BROX: variants seen among roughly 807,000 people sequenced by gnomAD.
The protein encoded by BROX is BRO1 domain-containing protein BROX.
A neutral mutation model predicts 61.0 loss-of-function variants in BROX; 53 were observed. That is an observed-to-expected ratio of 0.87 (90% CI 0.70 to 1.09). The LOEUF is 1.09. BROX is among the 50% of genes least tolerant of loss of function. The pLI is 0.00. For missense variants in BROX, 489 were observed against 472.0 expected, an observed-to-expected ratio of 1.04 and a Z score of -0.33; for synonymous variants, 152 against 160.2, an observed-to-expected ratio of 0.95 and a Z score of 0.38.
At position 222,722,476 on chromosome 1, in the gene BROX, G is replaced by A. The variant is rs1319642618; in HGVS notation, c.363G>A (p.Trp121Ter). Residue 121 changes from tryptophan (W) to a stop codon, truncating the protein, a stop_gained, in exon 5 of 13, where the codon TGG becomes TGA. Transcript: ENST00000340934. LOFTEE classifies it high-confidence loss of function. Reference protein sequence around the residue: ...LISMGFNVALWYTKYASRLAG... With the variant: ...LISMGFNVAL ...CCATGGGATTTAATGTAGCTTTATG[G>A]TATACCAAATATGCTTCAAGACTGG... 3 of 1,613,480 alleles carry A rather than the reference G, an allele frequency of 1.9e-6. No homozygotes were observed. Among genetic ancestry groups the A allele is most frequent in the Admixed American group, 3.3e-5 (2 of 60,008 alleles).
At chr1:222,713,458 C>T in intron 1 of BROX, 1 of 983,696 alleles carries the variant, frequency 1.0e-6, no homozygotes, top group African/African-American at 1.7e-5. Flanking sequence ...GGTGGGGGTC[C>T]CTTGTTAGGA....
At chr1:222,731,540 C>G in intron 12 of BROX, 24 bp downstream of exon 12, 2 of 1,563,804 alleles carry the variant, frequency 1.3e-6, no homozygotes, top group Non-Finnish European at 1.7e-6. Flanking sequence ...TTTTTTTTTC[C>G]CTCTCATTCA....
intron 9 of BROX, among the ~76,000 whole-genome samples, chr1:222,729,334 A>G (rs1657762739): frequency 6.6e-6 from 1 of 152,192 alleles, no homozygotes; most frequent in African/African-American, 2.4e-5. Flanking sequence ...CCTTCTTCCT[A>G]TGCATTAGCA....
chr1:222,731,446 C>T lies in BROX; in HGVS notation c.1079C>T (p.Pro360Leu). ...GAGCCTATACCTTTCGAATTTCCTC[C>T]TACAAGTGTTCAGTGGACACCAGAA... Reference protein sequence around the residue: ...LVEPIPFEFPPTSVQWTPETL... With the variant: ...LVEPIPFEFPLTSVQWTPETL... The change falls in exon 12 of 13, where the codon CCT (proline) becomes CTT (leucine). Residue 360 changes from proline (P) to leucine (L), a missense_variant. Pro to Leu is a moderately conservative substitution (Grantham distance 98, BLOSUM62 -3). Coordinates refer to ENST00000340934, the MANE Select transcript of BROX (RefSeq NM_144695.4). The T allele has an allele frequency of 2.5e-6, 4 of 1,604,498 alleles. No homozygotes were observed. The highest frequency in any genetic ancestry group is 3.4e-6 in the Non-Finnish European group (4 of 1,177,520).
rs1657788129 is a variant in BROX, at chr1:222,729,657, A to G, written c.794A>G (p.Asp265Gly). ...CYHGETLLASDKCGEAIRSLQ... is the reference protein window; with the variant it reads ...CYHGETLLASGKCGEAIRSLQ... ...CATGGTGAGACTTTATTGGCTAGTG[A>G]TAAATGCGGTGAAGCAATCAGGTCT... Residue 265 changes from aspartate (D) to glycine (G), a missense_variant, in exon 10 of 13, where the codon GAT becomes GGT. By Grantham distance (94) the Asp-to-Gly change is moderately conservative. Coordinates refer to ENST00000340934, the MANE Select transcript of BROX (RefSeq NM_144695.4). 6.2e-7 allele frequency: 1 copy of G among 1,613,162 alleles called. No homozygotes were observed. Among genetic ancestry groups the G allele is most frequent in the Admixed American group, 1.7e-5 (1 of 60,018 alleles).
chr1:222,725,495 G>A lies in BROX; in HGVS notation c.520G>A (p.Asp174Asn). Residue 174 changes from aspartate (D) to asparagine (N), a missense_variant, in exon 7 of 13, where the codon GAT (aspartate) becomes AAT (asparagine). Transcript: ENST00000340934. ...CATTACACCTGCGGAAAAAGGAAGA[G>A]ATTTAGAGTCACGACTCATAGAAGC... ...KLITPAEKGR[D>N]LESRLIEAYV... is the part of the protein sequence containing the mutation. 1 of 1,613,330 alleles carries A rather than the reference G, an allele frequency of 6.2e-7. No homozygotes were observed. The highest frequency in any genetic ancestry group is 8.5e-7 in the Non-Finnish European group (1 of 1,179,754).
rs1657585462 is a variant in BROX, at chr1:222,727,409, G to A, written c.670+152G>A. The A allele has an allele frequency of 1.2e-5, 8 of 642,148 alleles. No individual in the cohort carries two copies. The South Asian group carries it at 1.5e-4, about 12-fold the overall frequency. The allele number at this position is 642,148 out of a possible 1,614,324, so 39.8% of individuals were successfully genotyped here. On this transcript the variant is annotated intron_variant, in intron 8 of 12. Transcript: ENST00000340934. The stretch of plus-strand genomic sequence containing the variant: ...TATTTATTGCATTTAAAATAGAGCT[G>A]TTCATGTTTAGTATGCTGCATAACT...
rs200440780 is a variant in BROX, at chr1:222,729,652, T to C, written c.789T>C (p.Ala263=). 207 of 1,613,064 alleles carry C rather than the reference T, an allele frequency of 1.3e-4. No homozygotes were observed. The highest frequency in any genetic ancestry group is 6.2e-4 in the South Asian group (56 of 91,034). ...GTTACCATGGTGAGACTTTATTGGC[T>C]AGTGATAAATGCGGTGAAGCAATCA... The part of the protein sequence containing the change: ...AYCYHGETLL[A]SDKCGEAIRS... Residue 263 remains alanine, a synonymous_variant, in exon 10 of 13, where the codon GCT becomes GCC. Coordinates refer to ENST00000340934, the MANE Select transcript of BROX (RefSeq NM_144695.4).
intron 4 of BROX, among the ~76,000 whole-genome samples, chr1:222,719,831 C>T (rs1239061762): frequency 6.6e-6 from 1 of 152,182 alleles, no homozygotes; most frequent in African/African-American, 2.4e-5. Flanking sequence ...TATTTCTACT[C>T]TTTTTAAAAA....
chr1:222,730,549 T>G (rs1571989326), intron 11 of BROX, among the ~76,000 whole-genome samples: 1 of 152,302 alleles, frequency 6.6e-6, no homozygotes. Context: ...TGAGCCATGA[T>G]TAAGTCACTG....
intron 9 of BROX, 102 bp from the exon 10 acceptor site, chr1:222,729,518 T>G (rs1657775666): frequency 1.3e-6 from 1 of 768,782 alleles, no homozygotes; most frequent in Non-Finnish European, 2.1e-6. Flanking sequence ...GCATTGATAC[T>G]TCAGTGTATG....
intron 1 of BROX, chr1:222,713,310 G>T (rs1656212759): frequency 1.0e-6 from 1 of 985,738 alleles, no homozygotes; most frequent in African/African-American, 1.7e-5. Context: ...AAGTGTTGGC[G>T]CGTGCGCACG....
chr1:222,721,082 T>TTAACC (rs1657065479), intron 4 of BROX, among the ~76,000 whole-genome samples: 1 of 152,216 alleles, frequency 6.6e-6, no homozygotes, highest in Non-Finnish European at 1.5e-5. Flanking sequence ...ACAAGGCATG[T>TTAACC]TAAATGAAGG....
chr1:222,729,631 C>T lies in BROX; in HGVS notation c.768C>T (p.Tyr256=), dbSNP rs759149824. 6 of 1,612,464 alleles carry T rather than the reference C, an allele frequency of 3.7e-6. No individual in the cohort carries two copies. The Admixed American group carries it at 1.0e-4, about 27-fold the overall frequency. ...GTTTATTTCATCAGGCTTACTGTTA[C>T]CATGGTGAGACTTTATTGGCTAGTG... is the stretch of plus-strand genomic sequence containing the variant. ...MCFYTAYAYC[Y]HGETLLASDK... Residue 256 remains tyrosine (Y), a synonymous_variant, in exon 10 of 13, where the codon TAC becomes TAT. Coordinates refer to ENST00000340934, the MANE Select transcript of BROX (RefSeq NM_144695.4).
chr1:222,715,545 TAA>T (rs932516549), intron 1 of BROX, 137 bp from the exon 2 acceptor site: 22 of 382,846 alleles, frequency 5.7e-5, no homozygotes, highest in African/African-American at 3.8e-4. Flanking sequence ...CCGTCTCTAC[TAA>T]AAAAATAACA....
rs878900313 is a variant in BROX at position 222,731,451 on chromosome 1, A to G, written c.1084A>G (p.Ser362Gly). 3 of 1,605,058 alleles carry G rather than the reference A, an allele frequency of 1.9e-6. No individual in the cohort carries two copies. The highest frequency in any genetic ancestry group is 3.5e-5 in the Admixed American group (2 of 57,400). Residue 362 changes from serine (S) to glycine (G), a missense_variant, in exon 12 of 13, where the codon AGT becomes GGT. Physicochemically the swap from Ser to Gly is moderately conservative, Grantham distance 56 (BLOSUM62 0). Coordinates refer to ENST00000340934, the MANE Select transcript of BROX (RefSeq NM_144695.4). ...TATACCTTTCGAATTTCCTCCTACA[A>G]GTGTTCAGTGGACACCAGAAACATT... ...EPIPFEFPPTSVQWTPETLAA... is the reference protein window; with the variant it reads ...EPIPFEFPPTGVQWTPETLAA...
chr1:222,728,613 A>G (rs532743173), intron 8 of BROX, 130 bp from the exon 9 acceptor site: 43 of 521,786 alleles, frequency 8.2e-5, no homozygotes, highest in African/African-American at 7.7e-4. Context: ...TGTTTTTAAA[A>G]AAAAATTAAA....
chr1:222,718,119 C>T (rs1299448520), intron 2 of BROX: 2 of 151,864 alleles, frequency 1.3e-5, no homozygotes, highest in African/African-American at 4.8e-5. Flanking sequence ...GAGAGAAAAC[C>T]AGAAAGCCAA....
intron 2 of BROX, among the ~76,000 whole-genome samples, chr1:222,717,292 A>G (rs1489932496): frequency 1.3e-5 from 2 of 152,206 alleles, no homozygotes; most frequent in East Asian, 1.9e-4. Flanking sequence ...TCTGATCTAG[A>G]CTCCTGGAGG....
Sources: allele counts gnomAD v4.1 joint callset (sites outside exome capture counted in the v4.1 genomes callset), GRCh38; gene constraint gnomAD v4.1.1; transcripts MANE v1.5; gene names NCBI Gene and HGNC (gene_info 2026-07-23, HGNC 2026-07-21).